ITSN1: variants seen among roughly 807,000 people sequenced by gnomAD.
ITSN1 encodes the protein intersectin 1.
A neutral mutation model predicts 239.8 loss-of-function variants in ITSN1; 58 were observed. The observed-to-expected ratio is 0.24, with a 90% CI of 0.20 to 0.30. The LOEUF (loss-of-function observed/expected upper bound fraction) is 0.30, where lower values mean the gene tolerates loss of function less well. ITSN1 is among the 10% of genes least tolerant of loss of function. ITSN1 has a pLI of 1.00. For synonymous variants in ITSN1, 780 were observed against 770.8 expected (o/e 1.01, Z -0.20); for missense variants, 1,558 against 2,103.3 (o/e 0.74, Z 5.07).
chr21:33,723,898 C>G (rs968294569), intron 4 of ITSN1, among the ~76,000 whole-genome samples: 1 of 152,192 alleles, frequency 6.6e-6, no homozygotes, highest in Non-Finnish European at 1.5e-5. Context: ...TTCCAGCTAA[C>G]TACTTTGTCC....
chr21:33,753,993 TA>T (rs1256830724), intron 7 of ITSN1, among the ~76,000 whole-genome samples: 2 of 152,156 alleles, frequency 1.3e-5, no homozygotes, highest in African/African-American at 4.8e-5. Flanking sequence ...AACTTTTGGG[TA>T]CATCTTCATG....
In ITSN1 at chr21:33,867,720, G is replaced by A. The variant is rs535531887; in HGVS notation, c.4173+389G>A. On this transcript the variant is annotated intron_variant, in intron 33 of 39. Coordinates refer to ENST00000381318, the MANE Select transcript of ITSN1 (RefSeq NM_003024.3). ...TCTCACTGACTTCAAGAATGAAGCC[G>A]CAGACCCTCGCGGTGAGTGTTACAG... Among the ~76,000 whole-genome samples, 55 of 152,078 alleles carry A rather than the reference G, an allele frequency of 3.6e-4. 1 individual carries two copies. Among genetic ancestry groups the A allele is most frequent in the African/African-American group, 1.2e-3 (50 of 41,496 alleles).
chr21:33,747,482 A>G (rs1467458896), intron 5 of ITSN1, among the ~76,000 whole-genome samples: 2 of 152,040 alleles, frequency 1.3e-5, no homozygotes, highest in African/African-American at 2.4e-5. Flanking sequence ...ACACAATCAA[A>G]AGCTCAACAC....
At chr21:33,876,855 G>C (rs1321524639) in intron 34 of ITSN1, among the ~76,000 whole-genome samples, 1 of 152,126 alleles carries the variant, frequency 6.6e-6, no homozygotes, top group Non-Finnish European at 1.5e-5. Context: ...CTGGGCAACA[G>C]AGCAGAATGT....
At chr21:33,876,129 CTTTCTTTCTTTCTTTCTTTCTT>C (rs1361943304) in intron 34 of ITSN1, among the ~76,000 whole-genome samples, 2 of 15,828 alleles carry the variant, frequency 1.3e-4, no homozygotes, top group African/African-American at 2.0e-3. Context: ...TTCTTTCTTT[CTTTCTTTCTTTCTTTCTTTCTT>C]TCTCTCTCTC....
intron 29 of ITSN1, among the ~76,000 whole-genome samples, chr21:33,848,587 C>T (rs1016506552): frequency 1.3e-5 from 2 of 152,336 alleles, no homozygotes; most frequent in Admixed American, 1.3e-4. Flanking sequence ...CTCAGTTTCC[C>T]TGTCTGTTCA....
At chr21:33,853,743 G>C (rs1978775485) in intron 29 of ITSN1, among the ~76,000 whole-genome samples, 1 of 152,138 alleles carries the variant, frequency 6.6e-6, no homozygotes, top group South Asian at 2.1e-4. Context: ...GCATGTTGTG[G>C]GTCATTTAGC....
rs985505963 is a variant in ITSN1 at position 33,769,926 on chromosome 21, C to G, written c.1042+2098C>G. On this transcript the variant is annotated intron_variant, in intron 11 of 39. Transcript: ENST00000381318. ...GGTCAGGCTGGTCTTGAACTTTTGA[C>G]TTTAGGTGATCCACCCACCTTGGCC... 2.6e-5 allele frequency among the ~76,000 whole-genome samples: 4 copies of G among 151,904 alleles called. No homozygotes were observed. The South Asian group carries it at 6.2e-4, about 24-fold the overall frequency.
At chr21:33,876,717 C>A (rs1272555568) in intron 34 of ITSN1, among the ~76,000 whole-genome samples, 3 of 152,124 alleles carry the variant, frequency 2.0e-5, no homozygotes, top group African/African-American at 7.2e-5. Context: ...CAGAGTGAGA[C>A]CCTGTCTATA....
chr21:33,741,844 G>A (rs1321041091), intron 5 of ITSN1, among the ~76,000 whole-genome samples: 1 of 134,440 alleles, frequency 7.4e-6, no homozygotes, highest in Non-Finnish European at 1.5e-5. Context: ...GCAGTGAGCT[G>A]AGATCGCGTC....
rs2146191162 is a variant in ITSN1 at position 33,655,444 on chromosome 21, A to T, written c.-33+12731A>T. On this transcript the variant is annotated intron_variant, in intron 1 of 39. Transcript: ENST00000381318. ...AAGATTTTTTTTTTGTTTGAGGCAG[A>T]GTCTTACTCTGTCACCCAGGCTGGA... Among the ~76,000 whole-genome samples, 3 of 151,956 alleles carry T rather than the reference A, an allele frequency of 2.0e-5. 1 individual carries two copies.
chr21:33,728,815 G>A (rs546353120), intron 4 of ITSN1, among the ~76,000 whole-genome samples: 2 of 152,150 alleles, frequency 1.3e-5, no homozygotes, highest in South Asian at 2.1e-4. Context: ...TATAAGCTCT[G>A]TGGTGCTAGG....
chr21:33,770,410 A>G (rs1297325779), intron 11 of ITSN1, among the ~76,000 whole-genome samples: 3 of 152,174 alleles, frequency 2.0e-5, no homozygotes, highest in Admixed American at 6.5e-5. Context: ...CAAATATCAC[A>G]TTAGGGTAAT....
intron 5 of ITSN1, among the ~76,000 whole-genome samples, chr21:33,749,346 T>A (rs974047320): frequency 2.0e-5 from 3 of 152,092 alleles, no homozygotes; most frequent in Non-Finnish European, 4.4e-5. Flanking sequence ...TATTTTTGTA[T>A]AAAGATGCTT....
intron 31 of ITSN1, among the ~76,000 whole-genome samples, chr21:33,864,021 T>G (rs1353006582): frequency 6.6e-6 from 1 of 152,230 alleles, no homozygotes; most frequent in Non-Finnish European, 1.5e-5. Context: ...CTCCTTGGCT[T>G]GCCCGGTCCA....
In ITSN1 at chr21:33,736,506, G is replaced by A. The variant is rs188615189; in HGVS notation, c.346+1302G>A. Among the ~76,000 whole-genome samples the A allele has an allele frequency of 1.7e-3, 264 of 152,314 alleles. 2 individuals are homozygous for A. Among genetic ancestry groups the A allele is most frequent in the African/African-American group, 6.0e-3 (249 of 41,576 alleles). The stretch of plus-strand genomic sequence containing the variant: ...AAGAAAAATCCATATATGAGCAAAG[G>A]CGAGGAAGAGCAGAAGTGAACACTG... On this transcript the variant is annotated intron_variant, in intron 5 of 39. Transcript: ENST00000381318.
intron 29 of ITSN1, among the ~76,000 whole-genome samples, chr21:33,849,369 C>T (rs376470261): frequency 2.9e-4 from 44 of 152,106 alleles, no homozygotes; most frequent in East Asian, 9.7e-4. Context: ...AGTTGAAGAC[C>T]AGCCTGGCCA....
At chr21:33,667,122 C>G (rs765009665) in intron 1 of ITSN1, among the ~76,000 whole-genome samples, 11 of 151,968 alleles carry the variant, frequency 7.2e-5, no homozygotes, top group Non-Finnish European at 1.0e-4. Flanking sequence ...GCCACCACAC[C>G]CAGCCTATTT....
At chr21:33,763,684 T>A (rs2068526751) in intron 9 of ITSN1, among the ~76,000 whole-genome samples, 1 of 152,180 alleles carries the variant, frequency 6.6e-6, no homozygotes, top group African/African-American at 2.4e-5. Flanking sequence ...CTGTGTACTC[T>A]CCTCAAAAGG....
Sources: gnomAD v4.1 joint callset for allele counts (sites outside exome capture counted in the v4.1 genomes callset) on GRCh38, gnomAD v4.1.1 for gene constraint, MANE v1.5 for transcripts, NCBI Gene and HGNC (gene_info 2026-07-23, HGNC 2026-07-21) for gene names.